The following CIT variants were observed in gnomAD, a reference collection of about 807,000 sequenced individuals.
CIT encodes citron rho-interacting serine/threonine kinase.
In CIT, 79 loss-of-function variants were observed where a neutral mutation model predicts 272.7. That is an observed-to-expected ratio of 0.29 (90% CI 0.24 to 0.35). The LOEUF (loss-of-function observed/expected upper bound fraction) is 0.35, where lower values mean the gene tolerates loss of function less well. Ranked by LOEUF, CIT falls within the 10% of genes least tolerant of loss-of-function variation. CIT has a pLI of 1.00. For synonymous variants in CIT, 948 were observed against 995.6 expected, an observed-to-expected ratio of 0.95 and a Z score of 0.90; for missense variants, 1,909 against 2,618.3, an observed-to-expected ratio of 0.73 and a Z score of 5.91.
chr12:119,821,866 T>C (rs1186783602), intron 9 of CIT, among the ~76,000 whole-genome samples: 1 of 152,192 alleles, frequency 6.6e-6, no homozygotes, highest in African/African-American at 2.4e-5. Flanking sequence ...GAAAGATTTA[T>C]GGAAATGCGA....
chr12:119,835,046 T>C (rs1464788411), intron 5 of CIT, among the ~76,000 whole-genome samples: 1 of 152,268 alleles, frequency 6.6e-6, no homozygotes, highest in African/African-American at 2.4e-5. Flanking sequence ...ATTACATGTG[T>C]TGGTACATAC....
At chr12:119,751,722 T>C (rs1266670889) in intron 23 of CIT, among the ~76,000 whole-genome samples, 2 of 151,752 alleles carry the variant, frequency 1.3e-5, no homozygotes, top group Non-Finnish European at 2.9e-5. Context: ...AAAACTAAAG[T>C]AGAAAGCCAA....
At position 119,770,162 on chromosome 12, in the gene CIT, C is replaced by A. The variant is rs1401813752; in HGVS notation, c.2208+623G>T. 6.6e-6 allele frequency among the ~76,000 whole-genome samples: 1 copy of A among 152,152 alleles called. No individual in the cohort carries two copies. Among genetic ancestry groups the A allele is most frequent in the East Asian group, 1.9e-4 (1 of 5,194 alleles). ...AACACATCTGCAAATACCACCCGAA[C>A]CTTCCTTGATCAAGTTAATTTGGTG... On this transcript the variant is annotated intron_variant, in intron 18 of 47. Transcript: ENST00000392521. The surrounding 1 kb of genome is among the most constrained non-coding windows in gnomAD (Gnocchi z 4.4).
At chr12:119,850,101 A>G in intron 5 of CIT, 73 bp downstream of exon 5, 3 of 954,390 alleles carry the variant, frequency 3.1e-6, no homozygotes, top group Non-Finnish European at 5.1e-6. Context: ...CAAGAACAAC[A>G]TTCAGTTCTA....
intron 46 of CIT, among the ~76,000 whole-genome samples, chr12:119,692,307 A>G (rs1055765105): frequency 6.6e-6 from 1 of 152,244 alleles, no homozygotes. Flanking sequence ...TAAAAATTAA[A>G]ACAAGAAAAG....
chr12:119,714,156 T>C (rs375864818), intron 33 of CIT, 41 bp downstream of exon 33: 11 of 1,606,814 alleles, frequency 6.8e-6, no homozygotes, highest in South Asian at 1.1e-5. Context: ...AAGCTGGAGA[T>C]GCACAGGTGC....
At chr12:119,748,624 G>A (rs899513492) in intron 23 of CIT, among the ~76,000 whole-genome samples, 2 of 152,238 alleles carry the variant, frequency 1.3e-5, no homozygotes, top group Non-Finnish European at 2.9e-5. Flanking sequence ...ATTTATGTAC[G>A]AGAATGAGAA....
At chr12:119,864,903 T>A (rs545444347) in intron 3 of CIT, among the ~76,000 whole-genome samples, 236 of 152,246 alleles carry the variant, frequency 1.6e-3, no homozygotes, top group Non-Finnish European at 3.2e-3. Flanking sequence ...GCTGGAGACA[T>A]CCTTCTCCTT....
intron 10 of CIT, among the ~76,000 whole-genome samples, chr12:119,801,471 T>C (rs1966192814): frequency 6.6e-6 from 1 of 152,188 alleles, no homozygotes; most frequent in Non-Finnish European, 1.5e-5. Context: ...CATATCATTC[T>C]GCCTTTTCCC....
chr12:119,698,924 T>C (rs868567701), intron 44 of CIT, among the ~76,000 whole-genome samples: 2 of 152,298 alleles, frequency 1.3e-5, no homozygotes, highest in South Asian at 4.1e-4. Context: ...CTTTTAAAAC[T>C]GATTGTAAAC....
intron 27 of CIT, among the ~76,000 whole-genome samples, chr12:119,729,093 G>A (rs1277963111): frequency 6.6e-6 from 1 of 152,182 alleles, no homozygotes; most frequent in Non-Finnish European, 1.5e-5. Flanking sequence ...ATTAGGAGAA[G>A]ATCAAGACAA....
At chr12:119,794,270 GTGAATGAATGAA>G (rs60480648) in intron 10 of CIT, among the ~76,000 whole-genome samples, 120 of 151,806 alleles carry the variant, frequency 7.9e-4, no homozygotes, top group African/African-American at 2.6e-3. Flanking sequence ...TATTTGTTGA[GTGAATGAATGAA>G]TGAATGAATG....
intron 4 of CIT, 31 bp downstream of exon 4, chr12:119,857,492 G>A (rs1027575056): frequency 6.2e-7 from 1 of 1,611,064 alleles, no homozygotes. Flanking sequence ...GGTACAGAAA[G>A]TGGAAAAGCA....
chr12:119,781,174 C>G (rs1964254028), intron 13 of CIT, among the ~76,000 whole-genome samples: 1 of 152,214 alleles, frequency 6.6e-6, no homozygotes, highest in African/African-American at 2.4e-5. Flanking sequence ...GCAGATTTCT[C>G]AAAGCCAATG....
At chr12:119,722,468 C>G (rs1957852350) in intron 28 of CIT, among the ~76,000 whole-genome samples, 1 of 152,204 alleles carries the variant, frequency 6.6e-6, no homozygotes, top group Admixed American at 6.5e-5. Context: ...TCCTGGCCCT[C>G]TCTGTCTCTT....
chr12:119,801,163 G>A (rs1163444120), intron 10 of CIT, among the ~76,000 whole-genome samples: 1 of 152,154 alleles, frequency 6.6e-6, no homozygotes, highest in African/African-American at 2.4e-5. Flanking sequence ...ACATTCTGTT[G>A]GGTCAGGAAC....
At chr12:119,796,443 C>T (rs1032477474) in intron 10 of CIT, among the ~76,000 whole-genome samples, 1 of 152,002 alleles carries the variant, frequency 6.6e-6, no homozygotes, top group African/African-American at 2.4e-5. Context: ...GATGGGATGG[C>T]GGGGGAGGCA....
chr12:119,803,123 T>TCCCCCCCCCCCCCCCCC, intron 10 of CIT, 83 bp downstream of exon 10: 1 of 234,546 alleles, frequency 4.3e-6, no homozygotes, highest in Non-Finnish European at 8.7e-6. Context: ...CCCCACCTAT[T>TCCCCCCCCCCCCCCCCC]CCCCCACCCC....
At chr12:119,702,385 GGT>G (rs1272786235) in intron 41 of CIT, among the ~76,000 whole-genome samples, 1 of 152,006 alleles carries the variant, frequency 6.6e-6, no homozygotes, top group Non-Finnish European at 1.5e-5. Flanking sequence ...AAAAAGGTGG[GGT>G]CAGAAACACC....
Sources: gnomAD v4.1 joint callset for allele counts (sites outside exome capture counted in the v4.1 genomes callset) on GRCh38, gnomAD v4.1.1 for gene constraint, Gnocchi (gnomAD v3.1) non-coding constraint, MANE v1.5 for transcripts, NCBI Gene and HGNC (gene_info 2026-07-23, HGNC 2026-07-21) for gene names.